The following PDIA3 variants were observed in gnomAD, a reference collection of about 807,000 sequenced individuals.
The protein encoded by PDIA3 is protein disulfide isomerase family A member 3, also known as protein disulfide-isomerase A3.
PDIA3 carries 16 observed loss-of-function variants against 56.9 expected under a neutral mutation model. The ratio of observed to expected loss-of-function variants is 0.28; its 90% confidence interval spans 0.19 to 0.43. PDIA3 has a LOEUF of 0.43. PDIA3 is among the 20% of genes least tolerant of loss of function. PDIA3 has a pLI of 1.00. For missense variants in PDIA3, 485 were observed against 621.3 expected, an observed-to-expected ratio of 0.78 and a Z score of 2.33; for synonymous variants, 192 against 216.5, an observed-to-expected ratio of 0.89 and a Z score of 0.99.
rs1362245107 is a variant in PDIA3 at position 43,761,456 on chromosome 15, G to T, written c.397G>T (p.Gly133Ter). Residue 133 changes from glycine (G) to a stop codon, truncating the protein, a stop_gained, in exon 4 of 13, where the codon GGA becomes TGA. Transcript: ENST00000300289. LOFTEE classifies it high-confidence loss of function. ...GIVSHLKKQA[G>*]PASVPLRTEE... ...TGTCAGCCACTTGAAGAAGCAGGCAGGACCAGCTTCAGTGCCTCTCAGGAC... is the reference window on the plus strand; with the variant it reads ...TGTCAGCCACTTGAAGAAGCAGGCATGACCAGCTTCAGTGCCTCTCAGGAC... 6.2e-7 allele frequency: 1 copy of T among 1,604,628 alleles called. No homozygotes were observed. Among genetic ancestry groups the T allele is most frequent in the Non-Finnish European group, 8.5e-7 (1 of 1,172,600 alleles).
chr15:43,754,348 C>T (rs1053212138), intron 2 of PDIA3, among the ~76,000 whole-genome samples: 6 of 144,146 alleles, frequency 4.2e-5, no homozygotes, highest in South Asian at 4.5e-4. Flanking sequence ...GAGCCGAGAT[C>T]GGGCCACTGC....
intron 1 of PDIA3, 72 bp from the exon 2 acceptor site, chr15:43,753,752 C>T: frequency 9.3e-7 from 1 of 1,074,672 alleles, no homozygotes; most frequent in Non-Finnish European, 1.4e-6. Context: ...GTTTGAGATT[C>T]TTCCTAGTGA....
chr15:43,771,220 G>A lies in PDIA3; in HGVS notation c.*2G>A. ...AAGAAGGCACAGGAGGATCTCTAAA[G>A]CAGTAGCCAAACACCACTTTGTAAA... On this transcript the variant is annotated 3_prime_UTR_variant, in exon 13 of 13. Transcript: ENST00000300289. 2 of 1,583,960 alleles carry A rather than the reference G, an allele frequency of 1.3e-6. No individual in the cohort carries two copies. Among genetic ancestry groups the A allele is most frequent in the Non-Finnish European group, 1.7e-6 (2 of 1,155,236 alleles).
intron 4 of PDIA3, 37 bp from the exon 5 acceptor site, chr15:43,763,040 T>G (rs374843212): frequency 5.4e-5 from 87 of 1,603,380 alleles, no homozygotes; most frequent in Non-Finnish European, 7.1e-5. Flanking sequence ...TGTCAGCACT[T>G]ATTGCTTCTT....
intron 1 of PDIA3, chr15:43,747,045 C>T (rs939708558): frequency 1.0e-5 from 3 of 293,304 alleles, no homozygotes; most frequent in African/African-American, 4.4e-5. Context: ...TATTAATGCT[C>T]CTCCAGTCTA....
intron 8 of PDIA3, among the ~76,000 whole-genome samples, chr15:43,768,224 A>G (rs1272948705): frequency 1.3e-5 from 2 of 152,176 alleles, no homozygotes; most frequent in African/African-American, 4.8e-5. Context: ...CTCCAGAGCA[A>G]TAAGACCTTG....
At chr15:43,752,149 T>C (rs748207826) in intron 1 of PDIA3, among the ~76,000 whole-genome samples, 3 of 152,234 alleles carry the variant, frequency 2.0e-5, no homozygotes, top group Non-Finnish European at 2.9e-5. Flanking sequence ...ACAAAAGCCC[T>C]TTACAGTTCT....
chr15:43,773,132 T>C lies in PDIA3; in HGVS notation c.*1914T>C, dbSNP rs765147091. On this transcript the variant is annotated 3_prime_UTR_variant, in exon 13 of 13. Transcript: ENST00000300289. ...TTGATAACTTCAGCTGCCCCTGTTC[T>C]TTTCCTCAAACTCCAGGATGAGACC... 176 of 1,608,538 alleles carry C rather than the reference T, an allele frequency of 1.1e-4. No homozygotes were observed. Among genetic ancestry groups the C allele is most frequent in the Non-Finnish European group, 1.5e-4 (171 of 1,178,530 alleles).
chr15:43,765,374 C>G (rs1391119123), intron 5 of PDIA3, 76 bp from the exon 6 acceptor site: 4 of 846,464 alleles, frequency 4.7e-6, no homozygotes, highest in Non-Finnish European at 8.0e-6. Context: ...GAGCGAAACC[C>G]TATCTCAAAA....
chr15:43,771,436 T>C lies in PDIA3; in HGVS notation c.*218T>C, dbSNP rs2086881279. 1 of 418,094 alleles carries C rather than the reference T, an allele frequency of 2.4e-6. No homozygotes were observed. Among genetic ancestry groups the C allele is most frequent in the Admixed American group, 4.2e-5 (1 of 23,720 alleles). 25.9% of individuals were successfully genotyped at this position (418,094 alleles called of 1,614,324 possible). A position where few individuals can be genotyped will look rare whatever the true frequency, so the allele number is the denominator to read the frequency against. On this transcript the variant is annotated 3_prime_UTR_variant, in exon 13 of 13. Transcript: ENST00000300289. ...TTTATGTTTGTGGTTTTGGGAAAAA[T>C]TATTTGTGTTGGGGGAAATGTTGTG...
At position 43,756,736 on chromosome 15, in the gene PDIA3, G is replaced by C; in HGVS notation, c.334G>C (p.Ala112Pro). The C allele has an allele frequency of 1.2e-6, 2 of 1,605,656 alleles. No individual in the cohort carries two copies. The highest frequency in any genetic ancestry group is 1.7e-6 in the Non-Finnish European group (2 of 1,173,868). The stretch of plus-strand genomic sequence containing the variant: ...GAAGATATTTAGAGATGGTGAAGAA[G>C]CAGGTGCTTATGATGGACCTAGGAC... ...TLKIFRDGEE[A>P]GAYDGPRTAD... The change falls in exon 3 of 13, where the codon GCA becomes CCA. Residue 112 changes from alanine to proline, a missense_variant. Coordinates refer to ENST00000300289, the MANE Select transcript of PDIA3 (RefSeq NM_005313.5).
intron 9 of PDIA3, 106 bp downstream of exon 9, chr15:43,768,703 T>C: frequency 1.4e-6 from 1 of 735,860 alleles, no homozygotes; most frequent in African/African-American, 1.7e-5. Flanking sequence ...ATCTCTTTTT[T>C]TTTTTGTCCT....
intron 9 of PDIA3, among the ~76,000 whole-genome samples, chr15:43,769,126 C>T (rs1016996282): frequency 4.6e-5 from 7 of 151,886 alleles, no homozygotes; most frequent in Non-Finnish European, 1.0e-4. Context: ...GGCTAAGTTA[C>T]TCTTGAGGAT....
rs372332164 is a variant in PDIA3 at position 43,767,627 on chromosome 15, G to A, written c.1028+717G>A. 3.3e-4 allele frequency among the ~76,000 whole-genome samples: 50 copies of A among 151,422 alleles called. No homozygotes were observed. The East Asian group carries it at 3.7e-3, about 11-fold the overall frequency. The stretch of plus-strand genomic sequence containing the variant: ...TCTACTAAAAATACAAAAATTAGCC[G>A]GGTGTGACGGTGCGCACCTGTAATT... On this transcript the variant is annotated intron_variant, in intron 8 of 12. Coordinates refer to ENST00000300289, the MANE Select transcript of PDIA3 (RefSeq NM_005313.5).
At chr15:43,752,796 G>A in intron 1 of PDIA3, 1 of 470,820 alleles carries the variant, frequency 2.1e-6, no homozygotes, top group South Asian at 1.5e-5. Flanking sequence ...TGCTGTCTAC[G>A]GGAAGGTTAC....
chr15:43,766,877 A>G lies in PDIA3; in HGVS notation c.995A>G (p.Lys332Arg). ...CCTGTTGTTGCTATCAGAACTGCTA[A>G]AGGAGAGAAGTTTGTCATGCAGGAG... is the stretch of plus-strand genomic sequence containing the variant. ...EIPVVAIRTA[K>R]GEKFVMQEEF... is the part of the protein sequence containing the mutation. Residue 332 changes from lysine to arginine, a missense_variant, in exon 8 of 13, where the codon AAA (lysine) becomes AGA (arginine). Coordinates refer to ENST00000300289, the MANE Select transcript of PDIA3 (RefSeq NM_005313.5). 2 of 1,614,126 alleles carry G rather than the reference A, an allele frequency of 1.2e-6. No individual in the cohort carries two copies. The highest frequency in any genetic ancestry group is 1.7e-6 in the Non-Finnish European group (2 of 1,179,982).
rs372464667 is a variant in PDIA3 at position 43,769,770 on chromosome 15, T to G, written c.1266+124T>G. On this transcript the variant is annotated intron_variant, in intron 10 of 12. Coordinates refer to ENST00000300289, the MANE Select transcript of PDIA3 (RefSeq NM_005313.5). Reference sequence around the variant, plus strand: ...ATAGATTTTTTTCCCAATTACTTGCTGTTTACTCACTTTCTCGTGACTGCC... The same window carrying G: ...ATAGATTTTTTTCCCAATTACTTGCGGTTTACTCACTTTCTCGTGACTGCC... 4 of 1,048,748 alleles carry G rather than the reference T, an allele frequency of 3.8e-6. No individual in the cohort carries two copies. The African/African-American group carries it at 6.2e-5, about 16-fold the overall frequency. The allele number at this position is 1,048,748 out of a possible 1,614,324, so 65.0% of individuals were successfully genotyped here. A position where few individuals can be genotyped will look rare whatever the true frequency, so the allele number is the denominator to read the frequency against.
intron 10 of PDIA3, 75 bp downstream of exon 10, chr15:43,769,721 A>G: frequency 6.6e-7 from 1 of 1,507,036 alleles, no homozygotes; most frequent in Non-Finnish European, 9.1e-7. Context: ...AGCATTGGCT[A>G]ATTTGGTTGG....
chr15:43,763,110 C>G lies in PDIA3; in HGVS notation c.506C>G (p.Ser169Cys). 1 of 1,614,094 alleles carries G rather than the reference C, an allele frequency of 6.2e-7. No homozygotes were observed. Among genetic ancestry groups the G allele is most frequent in the Non-Finnish European group, 8.5e-7 (1 of 1,179,946 alleles). The change falls in exon 5 of 13, where the codon TCC (serine) becomes TGC (cysteine). Residue 169 changes from serine to cysteine, a missense_variant. By Grantham distance (112) the Ser-to-Cys change is moderately radical (BLOSUM62 -1). Coordinates refer to ENST00000300289, the MANE Select transcript of PDIA3 (RefSeq NM_005313.5). ...GATGATTCATTCAGTGAGGCTCACT[C>G]CGAGTTCCTAAAAGCAGCCAGCAAC... ...FFDDSFSEAH[S>C]EFLKAASNLR...
Sources: allele counts gnomAD v4.1 joint callset (sites outside exome capture counted in the v4.1 genomes callset), GRCh38; gene constraint gnomAD v4.1.1; transcripts MANE v1.5; gene names NCBI Gene and HGNC (gene_info 2026-07-23, HGNC 2026-07-21).